The following LHX4 variants were observed in gnomAD, a reference collection of about 807,000 sequenced individuals.
The protein encoded by LHX4 is LIM/homeobox protein Lhx4.
LHX4 carries 16 observed loss-of-function variants against 39.2 expected under a neutral mutation model. The ratio of observed to expected loss-of-function variants is 0.41; its 90% confidence interval spans 0.28 to 0.62. LHX4 has a LOEUF of 0.62. LHX4 is among the 20% of genes least tolerant of loss of function. LHX4 has a pLI of 0.33. For missense variants in LHX4, 439 were observed against 511.9 expected, an observed-to-expected ratio of 0.86 and a Z score of 1.37; for synonymous variants, 206 against 198.1, an observed-to-expected ratio of 1.04 and a Z score of -0.33.
rs780429242 is a variant in LHX4, at chr1:180,277,301, T to C, written c.*2722T>C. The C allele has an allele frequency of 1.3e-5, 2 of 152,238 alleles. No homozygotes were observed. Among genetic ancestry groups the C allele is most frequent in the Non-Finnish European group, 2.9e-5 (2 of 68,064 alleles). The allele number at this position is 152,238 out of a possible 1,614,324, so 9.4% of individuals were successfully genotyped here. A position where few individuals can be genotyped will look rare whatever the true frequency, so the allele number is the denominator to read the frequency against. On this transcript the variant is annotated 3_prime_UTR_variant, in exon 6 of 6. Transcript: ENST00000263726. ...GGCATTCATTACTTTTAGCTTCTCT[T>C]AGAGGCACTCCTCTGTTGCTTGGAA...
At chr1:180,256,157 C>G (rs1429914242) in intron 2 of LHX4, among the ~76,000 whole-genome samples, 1 of 152,244 alleles carries the variant, frequency 6.6e-6, no homozygotes, top group East Asian at 1.9e-4. Flanking sequence ...CTTTGGGCCT[C>G]TGCACCACTG....
intron 1 of LHX4, among the ~76,000 whole-genome samples, chr1:180,241,496 A>T (rs1042063747): frequency 6.6e-6 from 1 of 152,244 alleles, no homozygotes; most frequent in African/African-American, 2.4e-5. Context: ...GGCCTTGGAC[A>T]GTGGCACTGT....
At chr1:180,262,918 G>A (rs1214488654) in intron 2 of LHX4, among the ~76,000 whole-genome samples, 1 of 152,202 alleles carries the variant, frequency 6.6e-6, no homozygotes, top group Non-Finnish European at 1.5e-5. Context: ...CCATTAGCAA[G>A]TCTTCCTTGC....
chr1:180,241,074 T>C (rs1045343693), intron 1 of LHX4, among the ~76,000 whole-genome samples: 1 of 152,236 alleles, frequency 6.6e-6, no homozygotes, highest in Non-Finnish European at 1.5e-5. Context: ...CAACCCAATC[T>C]ACCCTCACCT....
chr1:180,229,846 C>T (rs559231457), upstream of LHX4, among the ~76,000 whole-genome samples: 1 of 151,748 alleles, frequency 6.6e-6, no homozygotes, highest in Non-Finnish European at 1.5e-5. Flanking sequence ...CCACGAAGAC[C>T]CGCAAACCCA....
In LHX4 at chr1:180,266,476, C is replaced by T. The variant is rs752985926; in HGVS notation, c.333C>T (p.His111=). ...VVRKAQDFVY[H]LHCFACIICN... Reference sequence around the variant, plus strand: ...GCAAGGCCCAGGACTTTGTCTACCACCTGCACTGCTTTGCTTGCATCATCT... The same window carrying T: ...GCAAGGCCCAGGACTTTGTCTACCATCTGCACTGCTTTGCTTGCATCATCT... Residue 111 remains histidine, a synonymous_variant, in exon 3 of 6, where the codon CAC becomes CAT. Coordinates refer to ENST00000263726, the MANE Select transcript of LHX4 (RefSeq NM_033343.4). The surrounding 1 kb of genome is among the most constrained non-coding windows in gnomAD (Gnocchi z 5.7). The T allele has an allele frequency of 8.1e-6, 13 of 1,614,266 alleles. 1 individual carries two copies. In the South Asian group the frequency reaches 1.3e-4, roughly 16 times the overall value.
At chr1:180,254,239 C>T (rs983435071) in intron 2 of LHX4, among the ~76,000 whole-genome samples, 16 of 152,212 alleles carry the variant, frequency 1.1e-4, no homozygotes, top group African/African-American at 3.9e-4. Context: ...TCAGGGGTCT[C>T]CCTGCCCCTG....
chr1:180,262,281 GAAAA>G (rs34979970), intron 2 of LHX4, among the ~76,000 whole-genome samples: 98 of 132,540 alleles, frequency 7.4e-4, no homozygotes, highest in African/African-American at 2.4e-3. Context: ...ACTTTGAAAG[GAAAA>G]AAAAAAAAAA....
At chr1:180,261,044 T>C (rs1402726453) in intron 2 of LHX4, among the ~76,000 whole-genome samples, 2 of 151,888 alleles carry the variant, frequency 1.3e-5, no homozygotes, top group Non-Finnish European at 2.9e-5. Flanking sequence ...TGTAAAGTCT[T>C]GTGGTTTAGT....
chr1:180,247,026 C>T (rs74132409), intron 1 of LHX4, among the ~76,000 whole-genome samples: 9,877 of 152,200 alleles, frequency 0.065, 369 homozygotes, highest in African/African-American at 0.079. Flanking sequence ...GGAGGCCAAA[C>T]GCTTGCACTT....
intron 2 of LHX4, among the ~76,000 whole-genome samples, chr1:180,265,624 G>C (rs357049): frequency 0.27 from 40,949 of 152,160 alleles, 5,682 homozygotes; most frequent in Non-Finnish European, 0.32. Flanking sequence ...GAAAGGTGCT[G>C]ACCAAGGAGA....
intron 2 of LHX4, among the ~76,000 whole-genome samples, chr1:180,263,569 C>T (rs965599849): frequency 1.1e-4 from 17 of 152,254 alleles, no homozygotes; most frequent in Admixed American, 6.5e-5. Flanking sequence ...GAGCCACTTC[C>T]ACTTCCCTTC....
intron 1 of LHX4, among the ~76,000 whole-genome samples, chr1:180,236,675 TG>T (rs1414835775): frequency 2.0e-5 from 3 of 152,106 alleles, no homozygotes; most frequent in African/African-American, 4.8e-5. Context: ...GAGTTGTGGA[TG>T]GGGGGCGGGT....
chr1:180,259,179 C>T (rs1332079052), intron 2 of LHX4, among the ~76,000 whole-genome samples: 2 of 151,890 alleles, frequency 1.3e-5, no homozygotes, highest in Non-Finnish European at 2.9e-5. Flanking sequence ...TAGGAGGCAG[C>T]GAGCAGGTGT....
chr1:180,252,771 C>T (rs1232121143), intron 2 of LHX4, among the ~76,000 whole-genome samples: 1 of 152,178 alleles, frequency 6.6e-6, no homozygotes, highest in African/African-American at 2.4e-5. Flanking sequence ...AGGACTTCCC[C>T]AGCCTTCCAC....
chr1:180,255,921 G>A (rs1029280269), intron 2 of LHX4, among the ~76,000 whole-genome samples: 1 of 152,216 alleles, frequency 6.6e-6, no homozygotes, highest in Non-Finnish European at 1.5e-5. Flanking sequence ...GTGGAAACGG[G>A]GTCCCCAGTG....
intron 1 of LHX4, among the ~76,000 whole-genome samples, chr1:180,233,720 ATCGC>A (rs879879886): frequency 1.3e-5 from 2 of 152,008 alleles, no homozygotes; most frequent in Admixed American, 6.6e-5. Flanking sequence ...CGCCGCCCGG[ATCGC>A]TGGCGGGAGA....
chr1:180,274,026 A>G (rs1176274957), intron 5 of LHX4, 159 bp from the exon 6 acceptor site: 1 of 817,502 alleles, frequency 1.2e-6, no homozygotes, highest in Non-Finnish European at 2.0e-6. Context: ...GCCTCTGGAT[A>G]TCAGGCTGCC....
At chr1:180,252,266 G>T (rs1264786502) in intron 2 of LHX4, among the ~76,000 whole-genome samples, 4 of 152,156 alleles carry the variant, frequency 2.6e-5, no homozygotes, top group African/African-American at 9.7e-5. Context: ...GCAGGAGGGG[G>T]CAAGCAGTCC....
Sources: allele counts gnomAD v4.1 joint callset (sites outside exome capture counted in the v4.1 genomes callset), GRCh38; gene constraint gnomAD v4.1.1; non-coding constraint Gnocchi (gnomAD v3.1); transcripts MANE v1.5; gene names NCBI Gene and HGNC (gene_info 2026-07-23, HGNC 2026-07-21).